Variants in RBFOX1 observed in about 807,000 individuals in gnomAD.
RBFOX1 encodes RNA binding fox-1 homolog 1, also known as RNA binding protein fox-1 homolog 1.
A neutral mutation model predicts 57.7 loss-of-function variants in RBFOX1; 8 were observed. The ratio of observed to expected loss-of-function variants is 0.14; its 90% CI spans 0.08 to 0.25. The LOEUF (loss-of-function observed/expected upper bound fraction) is 0.25, where lower values mean the gene tolerates loss of function less well. Ranked by LOEUF, RBFOX1 falls within the 10% of genes least tolerant of loss-of-function variation. RBFOX1 has a pLI of 1.00. For synonymous variants in RBFOX1, 326 were observed against 222.4 expected, an observed-to-expected ratio of 1.47 and a Z score of -4.15; for missense variants, 611 against 548.5, an observed-to-expected ratio of 1.11 and a Z score of -1.14.
intron 3 of RBFOX1, among the ~76,000 whole-genome samples, chr16:6,964,140 C>A (rs1293644809): frequency 6.6e-6 from 1 of 152,150 alleles, no homozygotes; most frequent in Non-Finnish European, 1.5e-5. Context: ...GCCTCAGCCT[C>A]CCAAGTAGGT....
rs115031916 is a variant in RBFOX1, at chr16:6,113,379, A to G, written c.-127+93387A>G. ...TAGCCACCATTAGGCTATGATACTG[A>G]TGTGTTTTTTAATACTACTTCAGGG... is the stretch of plus-strand genomic sequence containing the variant. On this transcript the variant is annotated intron_variant, in intron 1 of 15. Transcript: ENST00000550418. 1.7e-3 allele frequency among the ~76,000 whole-genome samples: 261 copies of G among 152,278 alleles called. 1 individual carries two copies. Among genetic ancestry groups the G allele is most frequent in the African/African-American group, 5.6e-3 (233 of 41,558 alleles).
chr16:5,818,232 C>T (rs1424402982), intron 3 of RBFOX1, among the ~76,000 whole-genome samples: 1 of 152,170 alleles, frequency 6.6e-6, no homozygotes, highest in East Asian at 1.9e-4. Flanking sequence ...TGCCTCCAGG[C>T]ATTGTGTACC....
rs145977323 is a variant in RBFOX1 at position 6,801,467 on chromosome 16, T to C, written c.-16+146817T>C. Among the ~76,000 whole-genome samples, 418 of 152,238 alleles carry C rather than the reference T, an allele frequency of 2.7e-3. 9 individuals carry two copies. Among genetic ancestry groups the C allele is most frequent in the Non-Finnish European group, 6.3e-4 (43 of 68,010 alleles). On this transcript the variant is annotated intron_variant, in intron 3 of 15. Coordinates refer to ENST00000550418, the MANE Select transcript of RBFOX1 (RefSeq NM_018723.4). ...CACATGTGTAGCCTAATAGCAAATATAAAGATTATTGAGCCAGTTTATAGT... is the reference window on the plus strand; with the variant it reads ...CACATGTGTAGCCTAATAGCAAATACAAAGATTATTGAGCCAGTTTATAGT...
intron 3 of RBFOX1, among the ~76,000 whole-genome samples, chr16:5,799,207 G>T (rs1005683322): frequency 6.6e-6 from 1 of 151,962 alleles, no homozygotes; most frequent in African/African-American, 2.4e-5. Context: ...ATCAGATCTC[G>T]TGAGACTTAT....
intron 2 of RBFOX1, among the ~76,000 whole-genome samples, chr16:6,513,665 C>T (rs810607): frequency 0.14 from 21,412 of 152,006 alleles, 2,354 homozygotes; most frequent in East Asian, 0.42. Context: ...ACTTGGGAGG[C>T]GGAGGTTGTA....
chr16:6,005,927 C>T (rs186906444), intron 4 of RBFOX1, among the ~76,000 whole-genome samples: 3 of 152,174 alleles, frequency 2.0e-5, no homozygotes, highest in South Asian at 2.1e-4. Context: ...TATTTAGAGA[C>T]GAATGTGTCA....
intron 3 of RBFOX1, among the ~76,000 whole-genome samples, chr16:6,660,171 C>T (rs945282691): frequency 3.3e-5 from 5 of 150,658 alleles, no homozygotes; most frequent in Admixed American, 2.7e-4. Context: ...TTGCAGTGAG[C>T]TGAGATCTCG....
intron 2 of RBFOX1, among the ~76,000 whole-genome samples, chr16:5,585,710 A>C (rs1312706648): frequency 1.3e-5 from 2 of 152,232 alleles, no homozygotes; most frequent in African/African-American, 4.8e-5. Context: ...GGACCACTGC[A>C]GCATTTATGC....
intron 2 of RBFOX1, among the ~76,000 whole-genome samples, chr16:5,521,043 A>G (rs142911851): frequency 6.6e-6 from 1 of 152,186 alleles, no homozygotes; most frequent in Non-Finnish European, 1.5e-5. Flanking sequence ...AATAGAGATT[A>G]ATGGACATCA....
intron 3 of RBFOX1, among the ~76,000 whole-genome samples, chr16:6,672,412 A>G (rs186371408): frequency 5.3e-5 from 8 of 151,130 alleles, no homozygotes; most frequent in Admixed American, 5.3e-4. Flanking sequence ...GGAAGGACGG[A>G]TGGATGGAAG....
intron 2 of RBFOX1, among the ~76,000 whole-genome samples, chr16:5,530,528 G>A (rs761183989): frequency 1.1e-4 from 16 of 152,164 alleles, no homozygotes; most frequent in Non-Finnish European, 1.5e-4. Context: ...TGTTCAGTAG[G>A]TGTTACTCTC....
At chr16:6,506,095 C>T (rs2096081358) in intron 2 of RBFOX1, among the ~76,000 whole-genome samples, 1 of 152,194 alleles carries the variant, frequency 6.6e-6, no homozygotes, top group African/African-American at 2.4e-5. Flanking sequence ...TATATCCAGA[C>T]ATGCCCTACT....
intron 1 of RBFOX1, among the ~76,000 whole-genome samples, chr16:5,293,801 G>T (rs1268097904): frequency 2.0e-5 from 3 of 152,046 alleles, no homozygotes; most frequent in African/African-American, 7.2e-5. Context: ...TATTTTTTGG[G>T]GGGGCGGGGG....
chr16:6,807,144 C>G (rs1331343669), intron 3 of RBFOX1, among the ~76,000 whole-genome samples: 1 of 151,562 alleles, frequency 6.6e-6, no homozygotes, highest in African/African-American at 2.4e-5. Context: ...TCTTTTTTTC[C>G]TTTTAATAAA....
At chr16:6,847,615 C>T (rs1000499458) in intron 3 of RBFOX1, among the ~76,000 whole-genome samples, 7 of 151,942 alleles carry the variant, frequency 4.6e-5, no homozygotes, top group Non-Finnish European at 7.4e-5. Flanking sequence ...ATACAAGGGA[C>T]GTGAAGAATG....
intron 1 of RBFOX1, among the ~76,000 whole-genome samples, chr16:5,350,687 G>T (rs1262653769): frequency 2.6e-5 from 4 of 152,240 alleles, no homozygotes; most frequent in Admixed American, 2.6e-4. Flanking sequence ...CCAACATGGT[G>T]AAACCCCGTC....
At chr16:6,120,795 A>G (rs1231139451) in intron 1 of RBFOX1, among the ~76,000 whole-genome samples, 1 of 152,104 alleles carries the variant, frequency 6.6e-6, no homozygotes, top group Non-Finnish European at 1.5e-5. Context: ...GTAAGACGTC[A>G]GTTCTGGTGC....
chr16:5,402,695 G>C (rs2066748358), intron 1 of RBFOX1, among the ~76,000 whole-genome samples: 1 of 152,030 alleles, frequency 6.6e-6, no homozygotes, highest in South Asian at 2.1e-4. Context: ...CAAGTTTTGA[G>C]CCTTCCTTAA....
chr16:6,693,963 C>G (rs895998258), intron 3 of RBFOX1, among the ~76,000 whole-genome samples: 2 of 152,222 alleles, frequency 1.3e-5, no homozygotes, highest in African/African-American at 4.8e-5. Context: ...TCCTATTTTA[C>G]AGATGACAAA....
Sources: allele counts gnomAD v4.1 joint callset (sites outside exome capture counted in the v4.1 genomes callset), GRCh38; gene constraint gnomAD v4.1.1; transcripts MANE v1.5; gene names NCBI Gene and HGNC (gene_info 2026-07-23, HGNC 2026-07-21).